Variants in CSMD1 observed in about 807,000 individuals in gnomAD.
CSMD1 encodes CUB and Sushi multiple domains 1, also known as CUB and sushi domain-containing protein 1.
CSMD1 carries 213 observed loss-of-function variants against 417.5 expected under a neutral mutation model. That is an observed-to-expected ratio of 0.51 (90% CI 0.46 to 0.57). The LOEUF (loss-of-function observed/expected upper bound fraction) is 0.57, where lower values mean the gene tolerates loss of function less well. Among genes scored for constraint, CSMD1 ranks in the 20% least tolerant of loss-of-function variants. CSMD1 has a pLI of 0.00. For synonymous variants in CSMD1, 2,862 were observed against 1,736.8 expected (o/e 1.65, Z -16.11); for missense variants, 6,923 against 4,529.7 (o/e 1.53, Z -15.17).
At chr8:3,710,756 G>C (rs1397916290) in intron 6 of CSMD1, among the ~76,000 whole-genome samples, 1 of 152,186 alleles carries the variant, frequency 6.6e-6, no homozygotes, top group Non-Finnish European at 1.5e-5. Flanking sequence ...AGCCATCTGA[G>C]ATAGGAATTA....
chr8:4,411,438 T>C (rs1796645175), intron 3 of CSMD1, among the ~76,000 whole-genome samples: 1 of 152,192 alleles, frequency 6.6e-6, no homozygotes, highest in Non-Finnish European at 1.5e-5. Context: ...AAAGGACTTT[T>C]AATTACTTGG....
intron 3 of CSMD1, among the ~76,000 whole-genome samples, chr8:4,284,762 C>G (rs922948199): frequency 6.6e-6 from 1 of 152,114 alleles, no homozygotes; most frequent in African/African-American, 2.4e-5. Context: ...CTTCTTCTAA[C>G]CACTTGCCTG....
intron 3 of CSMD1, among the ~76,000 whole-genome samples, chr8:4,316,644 T>C (rs1275121360): frequency 3.3e-5 from 5 of 151,940 alleles, no homozygotes; most frequent in Admixed American, 6.6e-5. Context: ...GACAATGGGG[T>C]ACACTGTGTC....
At chr8:4,893,044 T>C (rs1413943534) in intron 1 of CSMD1, among the ~76,000 whole-genome samples, 3 of 152,158 alleles carry the variant, frequency 2.0e-5, no homozygotes, top group Non-Finnish European at 4.4e-5. Context: ...TCAAACTGAC[T>C]TCCAGGAATG....
At chr8:3,998,886 T>C (rs569142446) in intron 4 of CSMD1, among the ~76,000 whole-genome samples, 144 of 149,478 alleles carry the variant, frequency 9.6e-4, no homozygotes, top group Middle Eastern at 3.7e-3. Flanking sequence ...ATATATAACA[T>C]ATAATCTATA....
chr8:3,621,376 G>A (rs911874830), intron 7 of CSMD1, among the ~76,000 whole-genome samples: 3 of 152,100 alleles, frequency 2.0e-5, no homozygotes, highest in African/African-American at 7.2e-5. Context: ...GGTTAAAAAC[G>A]AAGAGTAATC....
chr8:2,952,818 A>C (rs1429480143), intron 65 of CSMD1, among the ~76,000 whole-genome samples: 2 of 152,170 alleles, frequency 1.3e-5, no homozygotes, highest in African/African-American at 2.4e-5. Flanking sequence ...GTAAGATACA[A>C]CCAATGTCTT....
intron 4 of CSMD1, among the ~76,000 whole-genome samples, chr8:4,012,843 A>G (rs2554606): frequency 0.6 from 91,285 of 151,246 alleles, 27,747 homozygotes; most frequent in East Asian, 0.67. Context: ...ACGAGAAGAC[A>G]CACGGTGCCA....
At chr8:4,821,452 C>T (rs552976161) in intron 1 of CSMD1, among the ~76,000 whole-genome samples, 10 of 152,236 alleles carry the variant, frequency 6.6e-5, no homozygotes, top group South Asian at 4.1e-4. Context: ...TCTCATACTA[C>T]GCAGTAAGAC....
chr8:3,816,801 T>C (rs973194975), intron 5 of CSMD1, among the ~76,000 whole-genome samples: 18 of 152,124 alleles, frequency 1.2e-4, no homozygotes, highest in African/African-American at 4.1e-4. Context: ...ATACTGTATA[T>C]AGGGTTTGGT....
intron 6 of CSMD1, among the ~76,000 whole-genome samples, chr8:3,713,671 A>C (rs9657366): frequency 0.91 from 138,485 of 152,226 alleles, 63,184 homozygotes; most frequent in East Asian, 0.99. Context: ...ATAAAGGGAG[A>C]TCAGATAACC....
intron 1 of CSMD1, among the ~76,000 whole-genome samples, chr8:4,969,998 TATTA>T (rs75862054): frequency 0.1 from 15,797 of 152,094 alleles, 1,061 homozygotes; most frequent in African/African-American, 0.19. Context: ...ATGGTCCGTA[TATTA>T]ATTATTTCTG....
At chr8:4,150,977 G>A (rs1346283232) in intron 3 of CSMD1, among the ~76,000 whole-genome samples, 4 of 152,170 alleles carry the variant, frequency 2.6e-5, no homozygotes, top group Admixed American at 2.0e-4. Flanking sequence ...TCCAGATACA[G>A]GACTAGACAT....
chr8:3,930,319 C>T (rs1203541684), intron 5 of CSMD1, among the ~76,000 whole-genome samples: 1 of 150,682 alleles, frequency 6.6e-6, no homozygotes, highest in South Asian at 2.1e-4. Flanking sequence ...CCTGTGCTAA[C>T]ACTCTTAAAT....
At chr8:4,389,255 G>C (rs983582058) in intron 3 of CSMD1, among the ~76,000 whole-genome samples, 2 of 152,044 alleles carry the variant, frequency 1.3e-5, no homozygotes, top group East Asian at 1.9e-4. Flanking sequence ...CATATATTAA[G>C]CATAAATGAA....
chr8:3,264,755 G>T (rs979538394), intron 26 of CSMD1, among the ~76,000 whole-genome samples: 5 of 152,016 alleles, frequency 3.3e-5, no homozygotes, highest in African/African-American at 1.2e-4. Context: ...CATGATTAAG[G>T]GTACATAGCT....
rs530484527 is a variant in CSMD1, at chr8:4,043,722, G to T, written c.416-11623C>A. 2.6e-5 allele frequency among the ~76,000 whole-genome samples: 4 copies of T among 152,188 alleles called. No individual in the cohort carries two copies. In the South Asian group the frequency reaches 8.3e-4, roughly 32 times the overall value. On this transcript the variant is annotated intron_variant, in intron 3 of 69. Transcript: ENST00000635120. Reference sequence around the variant, plus strand: ...TACACATTCAATTACCTTAAAATAAGATTTATTACTAATAGATACTATTGA... The same window carrying T: ...TACACATTCAATTACCTTAAAATAATATTTATTACTAATAGATACTATTGA...
chr8:4,970,889 T>C lies in CSMD1; in HGVS notation c.85+23443A>G, dbSNP rs191397540. ...TCAGTATTTTATTAAGAAAGGAAAG[T>C]AACGAAGTGCTTTTTATGTAATAAA... is the stretch of plus-strand genomic sequence containing the variant. On this transcript the variant is annotated intron_variant, in intron 1 of 69. Coordinates refer to ENST00000635120, the MANE Select transcript of CSMD1 (RefSeq NM_033225.6). Among the ~76,000 whole-genome samples the C allele has an allele frequency of 3.2e-4, 49 of 152,236 alleles. 1 individual carries two copies. The East Asian group carries it at 9.5e-3, about 29-fold the overall frequency.
At chr8:4,824,403 G>C (rs576902692) in intron 1 of CSMD1, among the ~76,000 whole-genome samples, 1 of 152,100 alleles carries the variant, frequency 6.6e-6, no homozygotes, top group African/African-American at 2.4e-5. Context: ...TTAAGTCCCT[G>C]AGACCTCTAA....
Sources: allele counts gnomAD v4.1 joint callset (sites outside exome capture counted in the v4.1 genomes callset), GRCh38; gene constraint gnomAD v4.1.1; transcripts MANE v1.5; gene names NCBI Gene and HGNC (gene_info 2026-07-23, HGNC 2026-07-21).